NOL4: variants seen among roughly 807,000 people sequenced by gnomAD.
NOL4 encodes nucleolar protein 4.
Under a neutral mutation model 75.9 loss-of-function variants are expected in NOL4, and 17 were observed. That is an observed-to-expected ratio of 0.22 (90% CI 0.15 to 0.34). NOL4 has a LOEUF of 0.34. NOL4 is among the 10% of genes least tolerant of loss of function. The probability of loss-of-function intolerance (pLI) is 1.00; values close to 1 mark genes in which losing one functional copy is unlikely to be tolerated. For synonymous variants in NOL4, 292 were observed against 289.9 expected (o/e 1.01, Z -0.07); for missense variants, 614 against 793.5 (o/e 0.77, Z 2.72).
intron 10 of NOL4, among the ~76,000 whole-genome samples, chr18:33,879,648 T>A (rs1375998468): frequency 6.6e-6 from 1 of 151,908 alleles, no homozygotes; most frequent in Non-Finnish European, 1.5e-5. Context: ...ACCACTACAC[T>A]CCAGCCTGGG....
chr18:34,009,675 A>G (rs1025615564), intron 6 of NOL4, among the ~76,000 whole-genome samples: 2 of 151,930 alleles, frequency 1.3e-5, no homozygotes, highest in African/African-American at 4.8e-5. Context: ...TGATCGGGAA[A>G]TAATTATGAA....
At chr18:34,149,878 A>T (rs116023599) in intron 1 of NOL4, among the ~76,000 whole-genome samples, 1 of 151,670 alleles carries the variant, frequency 6.6e-6, no homozygotes, top group Non-Finnish European at 1.5e-5. Flanking sequence ...CAAATATTCA[A>T]TTGAAGTAGA....
chr18:33,878,260 C>G (rs2064048933), intron 10 of NOL4, among the ~76,000 whole-genome samples: 1 of 152,078 alleles, frequency 6.6e-6, no homozygotes, highest in African/African-American at 2.4e-5. Flanking sequence ...AGAGTGCTCT[C>G]TTTTCTTCTC....
intron 8 of NOL4, among the ~76,000 whole-genome samples, chr18:33,955,889 G>A (rs2069607033): frequency 6.6e-6 from 1 of 151,996 alleles, no homozygotes; most frequent in African/African-American, 2.4e-5. Context: ...TAAATATCTA[G>A]GCTATTTGGT....
chr18:34,013,634 C>G (rs2074507171), intron 6 of NOL4, among the ~76,000 whole-genome samples: 1 of 151,868 alleles, frequency 6.6e-6, no homozygotes, highest in Non-Finnish European at 1.5e-5. Flanking sequence ...TTCTCTATTC[C>G]CTATTGCTAA....
intron 6 of NOL4, among the ~76,000 whole-genome samples, chr18:33,963,919 C>A (rs1156821953): frequency 6.6e-6 from 1 of 152,062 alleles, no homozygotes; most frequent in African/African-American, 2.4e-5. Flanking sequence ...GACACAGCTG[C>A]GGTTGGGAGC....
intron 1 of NOL4, among the ~76,000 whole-genome samples, chr18:34,149,457 C>A (rs1221749633): frequency 6.6e-6 from 1 of 151,388 alleles, no homozygotes; most frequent in Non-Finnish European, 1.5e-5. Context: ...AATTTTTAAC[C>A]TAAATACAAG....
At chr18:33,972,386 C>T (rs188869055) in intron 6 of NOL4, among the ~76,000 whole-genome samples, 102 of 151,984 alleles carry the variant, frequency 6.7e-4, no homozygotes, top group African/African-American at 2.3e-3. Context: ...ACTAATTATC[C>T]GAAAAATGCA....
In NOL4 at chr18:34,105,042, C is replaced by A; in HGVS notation, c.526+7G>T. 1 of 1,544,746 alleles carries A rather than the reference C, an allele frequency of 6.5e-7. No homozygotes were observed. On this transcript the variant is annotated splice_region_variant and intron_variant, in intron 3 of 10. Coordinates refer to ENST00000261592, the MANE Select transcript of NOL4 (RefSeq NM_003787.5). Reference sequence around the variant, plus strand: ...CTTTAAATCTCACTATTTGACACTGCAGCTACCTTTATGATCTGTTCCATC... The same window carrying A: ...CTTTAAATCTCACTATTTGACACTGAAGCTACCTTTATGATCTGTTCCATC...
At chr18:34,094,487 T>C (rs948443623) in intron 4 of NOL4, among the ~76,000 whole-genome samples, 4 of 152,166 alleles carry the variant, frequency 2.6e-5, no homozygotes, top group African/African-American at 9.7e-5. Context: ...AAAAGGCCAG[T>C]TTGCTGAATG....
chr18:34,213,937 G>A (rs764337733), intron 1 of NOL4, among the ~76,000 whole-genome samples: 11 of 152,162 alleles, frequency 7.2e-5, no homozygotes, highest in Admixed American at 1.3e-4. Context: ...ACTTTTAAAA[G>A]GTCCATATTT....
chr18:33,903,407 G>A (rs962405057), intron 9 of NOL4, among the ~76,000 whole-genome samples: 3 of 152,224 alleles, frequency 2.0e-5, no homozygotes, highest in African/African-American at 7.2e-5. Context: ...TGGGGACAGA[G>A]AACCAAACCA....
In NOL4 at chr18:34,126,439, C is replaced by T. The variant is rs139608995; in HGVS notation, c.414+3432G>A. Among the ~76,000 whole-genome samples, 1,049 of 152,196 alleles carry T rather than the reference C, an allele frequency of 6.9e-3. 4 individuals are homozygous for T. The highest frequency in any genetic ancestry group is 0.012 in the Non-Finnish European group (802 of 67,978). On this transcript the variant is annotated intron_variant, in intron 2 of 10. Transcript: ENST00000261592. ...ATACATATAAGTTTACAATATCACA[C>T]TATGAGTTGTATGTGTGTATGTGTT...
At chr18:33,939,160 T>C (rs2068283509) in intron 9 of NOL4, among the ~76,000 whole-genome samples, 1 of 152,162 alleles carries the variant, frequency 6.6e-6, no homozygotes, top group South Asian at 2.1e-4. Context: ...ATCAGTACCA[T>C]GCTCTTTTGG....
intron 9 of NOL4, among the ~76,000 whole-genome samples, chr18:33,939,539 G>A (rs1303784456): frequency 6.6e-6 from 1 of 152,048 alleles, no homozygotes; most frequent in Non-Finnish European, 1.5e-5. Flanking sequence ...TATAGCAATT[G>A]TGAATGGGAG....
chr18:34,059,952 G>A (rs753900057), intron 5 of NOL4, among the ~76,000 whole-genome samples: 2 of 151,978 alleles, frequency 1.3e-5, no homozygotes, highest in Admixed American at 6.6e-5. Flanking sequence ...CCAGAGCATC[G>A]GTCATTGAGT....
At chr18:34,072,456 A>G (rs1297083900) in intron 5 of NOL4, among the ~76,000 whole-genome samples, 1 of 152,182 alleles carries the variant, frequency 6.6e-6, no homozygotes, top group Non-Finnish European at 1.5e-5. Flanking sequence ...CATGAAGCAA[A>G]AATGGAGAGA....
intron 10 of NOL4, among the ~76,000 whole-genome samples, chr18:33,861,259 G>A (rs1382975658): frequency 1.3e-5 from 2 of 152,068 alleles, no homozygotes; most frequent in Non-Finnish European, 2.9e-5. Context: ...GAATCCATCT[G>A]GTCCTGGACT....
chr18:33,893,122 T>C (rs1054204607), intron 9 of NOL4, among the ~76,000 whole-genome samples: 1 of 152,126 alleles, frequency 6.6e-6, no homozygotes, highest in African/African-American at 2.4e-5. Context: ...TATAAGAGAT[T>C]AAAGAAACAC....
Sources: gnomAD v4.1 joint callset for allele counts (sites outside exome capture counted in the v4.1 genomes callset) on GRCh38, gnomAD v4.1.1 for gene constraint, MANE v1.5 for transcripts, NCBI Gene and HGNC (gene_info 2026-07-23, HGNC 2026-07-21) for gene names.